The following CASQ2 variants were observed in gnomAD, a reference collection of about 807,000 sequenced individuals.
CASQ2 encodes the protein calsequestrin-2.
Under a neutral mutation model 46.5 loss-of-function variants are expected in CASQ2, and 49 were observed. The observed-to-expected ratio is 1.05, with a 90% CI of 0.84 to 1.34. CASQ2 has a LOEUF of 1.34. Ranked by LOEUF, CASQ2 falls within the 40% of genes most tolerant of loss-of-function variation. The probability of loss-of-function intolerance (pLI) is 0.00; values close to 1 mark genes in which losing one functional copy is unlikely to be tolerated. For synonymous variants in CASQ2, 174 were observed against 168.5 expected, an observed-to-expected ratio of 1.03 and a Z score of -0.25; for missense variants, 486 against 481.3, an observed-to-expected ratio of 1.01 and a Z score of -0.09.
At position 115,700,682 on chromosome 1, in the gene CASQ2, T is replaced by C. The variant is rs1654178526; in HGVS notation, c.*559A>G. On this transcript the variant is annotated 3_prime_UTR_variant, in exon 11 of 11. Transcript: ENST00000261448. ...ATGAATGACCATCACTTGAAATAAG[T>C]TTAACAAAGCCATGAGAATATGATT... The C allele has an allele frequency of 1.5e-5, 4 of 259,094 alleles. No homozygotes were observed. The highest frequency in any genetic ancestry group is 7.3e-6 in the Non-Finnish European group (1 of 136,404). The allele number at this position is 259,094 out of a possible 1,614,324, so 16.0% of individuals were successfully genotyped here.
chr1:115,733,349 G>T (rs1223396687), intron 4 of CASQ2, among the ~76,000 whole-genome samples: 5 of 152,296 alleles, frequency 3.3e-5, no homozygotes, highest in African/African-American at 1.2e-4. Context: ...TAGAGAGAGT[G>T]CAGTTTGCCA....
intron 8 of CASQ2, 22 bp from the exon 9 acceptor site, chr1:115,705,314 T>C: frequency 2.7e-6 from 4 of 1,500,194 alleles, no homozygotes; most frequent in Non-Finnish European, 3.7e-6. Flanking sequence ...TTCAAGAGAG[T>C]TGAGTAACCC....
At chr1:115,729,296 TC>T (rs1162101570) in intron 5 of CASQ2, among the ~76,000 whole-genome samples, 1 of 151,842 alleles carries the variant, frequency 6.6e-6, no homozygotes, top group Admixed American at 6.6e-5. Flanking sequence ...GTGATCCACC[TC>T]CCCCCTCGGC....
intron 1 of CASQ2, among the ~76,000 whole-genome samples, chr1:115,754,392 A>G (rs894716698): frequency 5.3e-5 from 8 of 152,140 alleles, no homozygotes; most frequent in African/African-American, 1.7e-4. Flanking sequence ...GGAAGATGCT[A>G]TGTATTTTTT....
At chr1:115,765,591 A>G (rs977795072) in intron 1 of CASQ2, among the ~76,000 whole-genome samples, 10 of 152,232 alleles carry the variant, frequency 6.6e-5, no homozygotes, top group African/African-American at 2.4e-4. Flanking sequence ...GGATAAAAAT[A>G]GAAAAAAAAA....
At chr1:115,755,939 T>C (rs1217285097) in intron 1 of CASQ2, among the ~76,000 whole-genome samples, 1 of 152,194 alleles carries the variant, frequency 6.6e-6, no homozygotes, top group African/African-American at 2.4e-5. Context: ...AGCTAGGTGC[T>C]ACTGCCAATA....
chr1:115,712,978 T>C (rs574679893), intron 8 of CASQ2, among the ~76,000 whole-genome samples: 3 of 152,202 alleles, frequency 2.0e-5, no homozygotes, highest in Non-Finnish European at 4.4e-5. Flanking sequence ...AAAAGATTTT[T>C]ACAAGAACCT....
rs375131666 is a variant in CASQ2 at position 115,725,587 on chromosome 1, G to T, written c.738-34C>A. 341 of 1,551,554 alleles carry T rather than the reference G, an allele frequency of 2.2e-4. 1 individual carries two copies. Among genetic ancestry groups the T allele is most frequent in the Non-Finnish European group, 2.8e-4 (323 of 1,141,938 alleles). ...AAAAAAAAAAAAAAAAAAAGAAAGA[G>T]CTTCCTTGAGTAGGGATCACTGTGG... On this transcript the variant is annotated intron_variant, in intron 6 of 10. Coordinates refer to ENST00000261448, the MANE Select transcript of CASQ2 (RefSeq NM_001232.4).
intron 1 of CASQ2, among the ~76,000 whole-genome samples, chr1:115,763,925 C>T (rs1038527056): frequency 2.0e-5 from 3 of 151,950 alleles, no homozygotes; most frequent in African/African-American, 7.3e-5. Context: ...ATTACCTGCC[C>T]ATGTCCTCTG....
intron 1 of CASQ2, among the ~76,000 whole-genome samples, chr1:115,754,128 T>C (rs1278362293): frequency 6.6e-6 from 1 of 152,146 alleles, no homozygotes; most frequent in Non-Finnish European, 1.5e-5. Flanking sequence ...TCCGGTAATC[T>C]CCTGTCACTT....
intron 3 of CASQ2, among the ~76,000 whole-genome samples, chr1:115,739,735 A>C (rs1648116716): frequency 6.6e-6 from 1 of 152,202 alleles, no homozygotes; most frequent in Non-Finnish European, 1.5e-5. Context: ...TACAGAGAAA[A>C]ATGGAGGCAG....
At chr1:115,716,179 T>C (rs925386778) in intron 8 of CASQ2, among the ~76,000 whole-genome samples, 2 of 152,218 alleles carry the variant, frequency 1.3e-5, no homozygotes, top group Non-Finnish European at 2.9e-5. Flanking sequence ...GCTTCCACTT[T>C]CTCTTGGGGA....
At chr1:115,766,865 T>TTATA (rs373555751) in intron 1 of CASQ2, among the ~76,000 whole-genome samples, 5 of 144,884 alleles carry the variant, frequency 3.5e-5, no homozygotes, top group African/African-American at 1.3e-4. Flanking sequence ...GAGCTAGAGA[T>TTATA]GATAGATAGA....
At chr1:115,724,558 GC>G (rs1647506401) in intron 7 of CASQ2, among the ~76,000 whole-genome samples, 1 of 152,176 alleles carries the variant, frequency 6.6e-6, no homozygotes, top group Non-Finnish European at 1.5e-5. Flanking sequence ...ATGCTCCACA[GC>G]CTTTGTTATT....
intron 2 of CASQ2, among the ~76,000 whole-genome samples, chr1:115,742,776 T>G (rs1648236227): frequency 1.0e-5 from 1 of 96,804 alleles, no homozygotes; most frequent in Admixed American, 9.9e-5. Context: ...AACTGTTTGT[T>G]TGTTTGTTTG....
At position 115,736,726 on chromosome 1, in the gene CASQ2, T is replaced by A. The variant is rs1249781664; in HGVS notation, c.532+1498A>T. ...AGGTTTTTTACAATGCAATATGTAA[T>A]ATATTTCATATTACTTTTGTACACC... On this transcript the variant is annotated intron_variant, in intron 4 of 10. Coordinates refer to ENST00000261448, the MANE Select transcript of CASQ2 (RefSeq NM_001232.4). Among the ~76,000 whole-genome samples the A allele has an allele frequency of 2.0e-5, 3 of 152,174 alleles. No individual in the cohort carries two copies. In the East Asian group the frequency reaches 5.8e-4, roughly 29 times the overall value.
chr1:115,739,213 G>C (rs537662987), intron 3 of CASQ2, among the ~76,000 whole-genome samples: 1 of 145,904 alleles, frequency 6.9e-6, no homozygotes, highest in Non-Finnish European at 1.5e-5. Flanking sequence ...CCAGGTTCAC[G>C]CCATTCTCCT....
intron 4 of CASQ2, among the ~76,000 whole-genome samples, chr1:115,734,954 A>T (rs144156633): frequency 9.4e-4 from 143 of 152,364 alleles, no homozygotes; most frequent in African/African-American, 3.4e-3. Flanking sequence ...TTCTGAAAGC[A>T]CTGCACAAAA....
At chr1:115,726,205 G>A (rs1647583542) in intron 6 of CASQ2, among the ~76,000 whole-genome samples, 1 of 152,170 alleles carries the variant, frequency 6.6e-6, no homozygotes, top group African/African-American at 2.4e-5. Flanking sequence ...CAGGTAGGGT[G>A]GAGGGACAAG....
Sources: allele counts gnomAD v4.1 joint callset (sites outside exome capture counted in the v4.1 genomes callset), GRCh38; gene constraint gnomAD v4.1.1; transcripts MANE v1.5; gene names NCBI Gene and HGNC (gene_info 2026-07-23, HGNC 2026-07-21).